Variants in GRIP1 observed in about 807,000 individuals in gnomAD.
GRIP1 encodes the protein glutamate receptor interacting protein 1, also known as glutamate receptor-interacting protein 1.
GRIP1 carries 45 observed loss-of-function variants against 129.9 expected under a neutral mutation model. The observed-to-expected ratio is 0.35, with a 90% confidence interval of 0.27 to 0.44. GRIP1 has a LOEUF of 0.44. Among genes scored for constraint, GRIP1 ranks in the 20% least tolerant of loss-of-function variants. The pLI, the probability that GRIP1 is intolerant of heterozygous loss-of-function variation, is 1.00. For synonymous variants in GRIP1, 530 were observed against 520.8 expected, an observed-to-expected ratio of 1.02 and a Z score of -0.24; for missense variants, 1,196 against 1,396.8, an observed-to-expected ratio of 0.86 and a Z score of 2.29.
intron 1 of GRIP1, among the ~76,000 whole-genome samples, chr12:66,607,083 T>C (rs1219285408): frequency 6.6e-6 from 1 of 152,122 alleles, no homozygotes; most frequent in Non-Finnish European, 1.5e-5. Flanking sequence ...CTTCACATAG[T>C]AGCCACTACT....
At chr12:66,902,794 G>A (rs11176483) in intron 1 of GRIP1, among the ~76,000 whole-genome samples, 39,464 of 151,962 alleles carry the variant, frequency 0.26, 5,533 homozygotes, top group East Asian at 0.45. Flanking sequence ...CTTGTATTTC[G>A]AATGAAATAT....
intron 1 of GRIP1, among the ~76,000 whole-genome samples, chr12:66,606,882 G>A (rs2064555160): frequency 6.6e-6 from 1 of 152,026 alleles, no homozygotes; most frequent in South Asian, 2.1e-4. Flanking sequence ...ATGAAATTAT[G>A]TGCCTAAATT....
chr12:67,025,847 A>T (rs2042935586), intron 1 of GRIP1, among the ~76,000 whole-genome samples: 1 of 152,226 alleles, frequency 6.6e-6, no homozygotes, highest in South Asian at 2.1e-4. Context: ...TAAATTATTA[A>T]CTAACTTTTA....
At chr12:66,767,457 C>A (rs2037677316) in intron 1 of GRIP1, among the ~76,000 whole-genome samples, 1 of 151,990 alleles carries the variant, frequency 6.6e-6, no homozygotes, top group Non-Finnish European at 1.5e-5. Flanking sequence ...ACTGAAAGGT[C>A]TGAGACAGGA....
Position 66,439,132 on chromosome 12 carries a change from G to A in GRIP1, c.1687+5452C>T, listed in dbSNP as rs901068457. Among the ~76,000 whole-genome samples, 3 of 152,270 alleles carry A rather than the reference G, an allele frequency of 2.0e-5. No individual in the cohort carries two copies. In the South Asian group the frequency reaches 6.2e-4, roughly 32 times the overall value. ...ACTGCAAAGCTTCTTCTGTGGAATTGTGCTTGGCATGTGCAATTCAGCTAG... is the reference window on the plus strand; with the variant it reads ...ACTGCAAAGCTTCTTCTGTGGAATTATGCTTGGCATGTGCAATTCAGCTAG... On this transcript the variant is annotated intron_variant, in intron 13 of 24. Coordinates refer to ENST00000359742, the MANE Select transcript of GRIP1 (RefSeq NM_001366722.1).
intron 7 of GRIP1, among the ~76,000 whole-genome samples, chr12:66,497,735 G>A (rs2060273740): frequency 6.6e-6 from 1 of 152,172 alleles, no homozygotes; most frequent in African/African-American, 2.4e-5. Context: ...AGCAAAAATG[G>A]AGAGGAGCAG....
intron 1 of GRIP1, among the ~76,000 whole-genome samples, chr12:66,987,489 T>C (rs1566107322): frequency 6.6e-6 from 1 of 152,204 alleles, no homozygotes; most frequent in Non-Finnish European, 1.5e-5. Context: ...AATGCTAAGC[T>C]TCTCTGCTGT....
At chr12:66,547,043 A>G (rs187549506) in intron 2 of GRIP1, among the ~76,000 whole-genome samples, 2 of 152,330 alleles carry the variant, frequency 1.3e-5, no homozygotes, top group African/African-American at 2.4e-5. Flanking sequence ...TTTCAAATAT[A>G]CAAGCAACTT....
intron 1 of GRIP1, among the ~76,000 whole-genome samples, chr12:66,835,541 T>C (rs2039598020): frequency 6.6e-6 from 1 of 152,142 alleles, no homozygotes; most frequent in African/African-American, 2.4e-5. Context: ...TAAACTGTCA[T>C]ACATCCAGAT....
intron 23 of GRIP1, among the ~76,000 whole-genome samples, chr12:66,367,796 C>A (rs895634774): frequency 3.9e-5 from 6 of 152,146 alleles, no homozygotes; most frequent in Admixed American, 3.3e-4. Flanking sequence ...GAAACAGTGG[C>A]CTAAAGGGAC....
chr12:67,013,690 G>A lies in GRIP1; in HGVS notation c.58+55360C>T, dbSNP rs532787828. On this transcript the variant is annotated intron_variant, in intron 1 of 1. Coordinates refer to the GRIP1 transcript ENST00000643019. ...GAGCTGAGGAAACAAATAAAGAAGG[G>A]ATGTATATTAGAGAATGTGGTTGTC... 3.3e-5 allele frequency among the ~76,000 whole-genome samples: 5 copies of A among 152,264 alleles called. No individual in the cohort carries two copies. In the South Asian group the frequency reaches 1.0e-3, roughly 32 times the overall value.
chr12:66,911,359 T>C (rs980280662), intron 1 of GRIP1, among the ~76,000 whole-genome samples: 1 of 152,222 alleles, frequency 6.6e-6, no homozygotes, highest in African/African-American at 2.4e-5. Context: ...CCATTGGCTC[T>C]AGTTTTATTG....
At chr12:66,987,100 G>C (rs1023121719) in intron 1 of GRIP1, among the ~76,000 whole-genome samples, 3 of 152,030 alleles carry the variant, frequency 2.0e-5, no homozygotes, top group Admixed American at 2.0e-4. Flanking sequence ...GAATAGAGCT[G>C]AACTCCTGGA....
At chr12:66,933,829 A>C (rs897702917) in intron 1 of GRIP1, among the ~76,000 whole-genome samples, 1 of 152,204 alleles carries the variant, frequency 6.6e-6, no homozygotes, top group Non-Finnish European at 1.5e-5. Flanking sequence ...ATTCTGCATA[A>C]TATTAAGCTA....
chr12:66,737,468 G>C (rs545661722), intron 1 of GRIP1, among the ~76,000 whole-genome samples: 9 of 152,202 alleles, frequency 5.9e-5, no homozygotes, highest in Admixed American at 2.0e-4. Flanking sequence ...ATTTTTAATA[G>C]AGAAGGAGCT....
chr12:66,645,731 T>C (rs1234051905), intron 1 of GRIP1, among the ~76,000 whole-genome samples: 2 of 152,238 alleles, frequency 1.3e-5, no homozygotes, highest in African/African-American at 4.8e-5. Flanking sequence ...AAAAATCTTT[T>C]AGAGTATGCA....
At chr12:66,773,378 A>G (rs958598778) in intron 1 of GRIP1, among the ~76,000 whole-genome samples, 1 of 152,154 alleles carries the variant, frequency 6.6e-6, no homozygotes, top group Non-Finnish European at 1.5e-5. Context: ...GTCAAATGGT[A>G]TTTCTGGTTC....
intron 1 of GRIP1, among the ~76,000 whole-genome samples, chr12:66,751,260 G>A (rs1307657836): frequency 6.6e-6 from 1 of 152,096 alleles, no homozygotes; most frequent in Non-Finnish European, 1.5e-5. Flanking sequence ...AAAGGAAAAG[G>A]AGAACAGAAG....
chr12:66,392,580 T>C, intron 18 of GRIP1, 78 bp from the exon 19 acceptor site: 1 of 1,572,386 alleles, frequency 6.4e-7, no homozygotes, highest in Non-Finnish European at 8.8e-7. Flanking sequence ...TGGCTAGAGA[T>C]TTGTTTCCCT....
Sources: gnomAD v4.1 joint callset for allele counts (sites outside exome capture counted in the v4.1 genomes callset) on GRCh38, gnomAD v4.1.1 for gene constraint, MANE v1.5 for transcripts, NCBI Gene and HGNC (gene_info 2026-07-23, HGNC 2026-07-21) for gene names.